ASMTL: variants seen among roughly 807,000 people sequenced by gnomAD.
The protein encoded by ASMTL is probable bifunctional dTTP/UTP pyrophosphatase/methyltransferase protein.
In ASMTL, 57 loss-of-function variants were observed where a neutral mutation model predicts 60.3. The ratio of observed to expected loss-of-function variants is 0.95; its 90% confidence interval spans 0.76 to 1.18. The LOEUF (loss-of-function observed/expected upper bound fraction) is 1.18, where lower values mean the gene tolerates loss of function less well. ASMTL is among the 50% of genes most tolerant of loss of function. The pLI, the probability that ASMTL is intolerant of heterozygous loss-of-function variation, is 0.00. For synonymous variants in ASMTL, 419 were observed against 373.0 expected (o/e 1.12, Z -1.42); for missense variants, 981 against 852.6 (o/e 1.15, Z -1.88).
At chrX:1,449,943 A>G (rs1400720811) in intron 1 of ASMTL, among the ~76,000 whole-genome samples, 1 of 148,060 alleles carries the variant, frequency 6.8e-6, no homozygotes, top group Admixed American at 6.8e-5. Context: ...CCCCACCACC[A>G]GTAAATATGC....
intron 1 of ASMTL, among the ~76,000 whole-genome samples, chrX:1,449,103 G>A (rs766792153): frequency 1.4e-4 from 22 of 152,178 alleles, no homozygotes; most frequent in African/African-American, 4.8e-4. Flanking sequence ...AACATTCCGA[G>A]CCTGCGATAA....
chrX:1,419,313 G>T, intron 9 of ASMTL, 199 bp from the exon 10 acceptor site: 1 of 175,064 alleles, frequency 5.7e-6, no homozygotes, highest in Non-Finnish European at 1.1e-5. Flanking sequence ...TGGGGACAGA[G>T]GACCCCAAAG....
At chrX:1,418,176 C>G in intron 10 of ASMTL, 60 bp from the exon 11 acceptor site, 3 of 1,516,824 alleles carry the variant, frequency 2.0e-6, no homozygotes, top group South Asian at 1.3e-5. Context: ...TGACGACTCT[C>G]CAAAGCTCAA....
chrX:1,438,513 T>C (rs2149337103), intron 3 of ASMTL, among the ~76,000 whole-genome samples: 1 of 152,044 alleles, frequency 6.6e-6, no homozygotes, highest in South Asian at 2.1e-4. Flanking sequence ...TAGAACTGCG[T>C]ACCTTCCTGT....
chrX:1,442,415 C>T, intron 1 of ASMTL, 98 bp from the exon 2 acceptor site: 1 of 1,382,030 alleles, frequency 7.2e-7, no homozygotes, highest in Non-Finnish European at 1.0e-6. Context: ...GCGTTTGCTA[C>T]ACTCCCCGAC....
intron 9 of ASMTL, among the ~76,000 whole-genome samples, chrX:1,420,281 TTC>T (rs1386359964): frequency 2.6e-5 from 4 of 151,020 alleles, no homozygotes; most frequent in East Asian, 2.0e-4. Context: ...GTCTCTGTCT[TTC>T]TGTCTCCCTG....
rs1436095816 is a variant in ASMTL at position 1,412,738 on chromosome X, T to G, written c.1639A>C (p.Lys547Gln). 24 of 1,613,876 alleles carry G rather than the reference T, an allele frequency of 1.5e-5. No homozygotes were observed. Among genetic ancestry groups the G allele is most frequent in the Non-Finnish European group, 2.0e-5 (24 of 1,179,880 alleles). Residue 547 changes from lysine (K) to glutamine (Q), a missense_variant, in exon 12 of 13, where the codon AAG (lysine) becomes CAG (glutamine). Lys to Gln is a moderately conservative substitution (Grantham distance 53). Coordinates refer to ENST00000381317, the MANE Select transcript of ASMTL (RefSeq NM_004192.4). ...CCTGACGATGGGCTCTCACCTGGCT[T>G]GCAGCTCTCGGCGACCCTGCTGAGT... is the stretch of plus-strand genomic sequence containing the variant. Reference protein sequence around the residue: ...KLLSRVAESCKPGAGLLLVET... With the variant: ...KLLSRVAESCQPGAGLLLVET...
At chrX:1,414,347 G>C (rs1351976676) in intron 11 of ASMTL, among the ~76,000 whole-genome samples, 1 of 152,172 alleles carries the variant, frequency 6.6e-6, no homozygotes, top group Non-Finnish European at 1.5e-5. Context: ...GCGGGAGAGT[G>C]TGCGGTGGGA....
chrX:1,408,123 CG>C lies in ASMTL; in HGVS notation c.1645+4608del, dbSNP rs2089936109. Among the ~76,000 whole-genome samples, 215 of 95,770 alleles carry C rather than the reference CG, an allele frequency of 2.2e-3. 3 individuals carry two copies. The highest frequency in any genetic ancestry group is 5.9e-3 in the Middle Eastern group (1 of 170). The allele number at this position is 95,770 out of a possible 152,430, so 62.8% of individuals were successfully genotyped here. ...GGCTGAGGCAGGAGGATCGCTTGAGCGCAGGAGGTCAAGGCTGCAGTGAACT... is the reference window on the plus strand; with the variant it reads ...GGCTGAGGCAGGAGGATCGCTTGAGCCAGGAGGTCAAGGCTGCAGTGAACT... On this transcript the variant is annotated intron_variant, in intron 12 of 12. Coordinates refer to ENST00000381317, the MANE Select transcript of ASMTL (RefSeq NM_004192.4).
intron 11 of ASMTL, among the ~76,000 whole-genome samples, chrX:1,417,734 A>ATG (rs2090345474): frequency 6.9e-6 from 1 of 145,356 alleles, no homozygotes; most frequent in African/African-American, 2.5e-5. Context: ...ACACACACAC[A>ATG]CAGACATGCT....
At chrX:1,438,778 C>T (rs1180079229) in intron 3 of ASMTL, among the ~76,000 whole-genome samples, 2 of 152,140 alleles carry the variant, frequency 1.3e-5, no homozygotes, top group East Asian at 1.9e-4. Context: ...ATCAATTAGC[C>T]ACCACGTCTG....
intron 6 of ASMTL, chrX:1,431,917 G>C (rs779100687): frequency 1.8e-5 from 5 of 282,684 alleles, no homozygotes; most frequent in Middle Eastern, 1.1e-3. Context: ...TTGGATCACA[G>C]AGTTTATTCG....
chrX:1,427,908 C>G lies in ASMTL; in HGVS notation c.723G>C (p.Val241=), dbSNP rs199774890. 128 of 1,613,264 alleles carry G rather than the reference C, an allele frequency of 7.9e-5. No homozygotes were observed. The highest frequency in any genetic ancestry group is 9.7e-5 in the Non-Finnish European group (115 of 1,179,842). Residue 241 remains valine (V), a synonymous_variant, in exon 7 of 13, where the codon GTG becomes GTC. Coordinates refer to ENST00000381317, the MANE Select transcript of ASMTL (RefSeq NM_004192.4). ...AADTFEDLSD[V]EGGGSEPTQR... ...GAGTGGGCTCCGAGCCGCCCCCCTC[C>G]ACGTCACTGAGGTCTTCGAAGGTGT...
At chrX:1,414,790 C>T (rs866117271) in intron 11 of ASMTL, among the ~76,000 whole-genome samples, 3 of 152,216 alleles carry the variant, frequency 2.0e-5, no homozygotes, top group South Asian at 2.1e-4. Flanking sequence ...GCAGGAGGAG[C>T]TGTAGGGTGG....
chrX:1,435,326 G>C, intron 4 of ASMTL: 1 of 620,284 alleles, frequency 1.6e-6, no homozygotes, highest in Non-Finnish European at 2.9e-6. Flanking sequence ...GCAGCTCTCA[G>C]CTGGGCCTAT....
intron 11 of ASMTL, among the ~76,000 whole-genome samples, chrX:1,415,748 G>A (rs1343625386): frequency 6.6e-6 from 1 of 152,228 alleles, no homozygotes; most frequent in Non-Finnish European, 1.5e-5. Flanking sequence ...TTACAGGCGT[G>A]AGCTACTGTG....
At chrX:1,447,281 CT>C (rs2091247251) in intron 1 of ASMTL, among the ~76,000 whole-genome samples, 1 of 152,254 alleles carries the variant, frequency 6.6e-6, no homozygotes, top group Non-Finnish European at 1.5e-5. Flanking sequence ...TCGACACACA[CT>C]GCCATCTTGG....
intron 6 of ASMTL, among the ~76,000 whole-genome samples, chrX:1,429,390 G>C (rs1347693053): frequency 6.6e-6 from 1 of 151,916 alleles, no homozygotes; most frequent in African/African-American, 2.4e-5. Context: ...TAAAGATGGG[G>C]TTTCACTCTG....
chrX:1,437,220 C>G (rs1240046309), intron 3 of ASMTL, among the ~76,000 whole-genome samples: 3 of 152,108 alleles, frequency 2.0e-5, no homozygotes, highest in African/African-American at 4.8e-5. Flanking sequence ...CCTGAGGCCT[C>G]TCTCCTAGGC....
Sources: gnomAD v4.1 joint callset for allele counts (sites outside exome capture counted in the v4.1 genomes callset) on GRCh38, gnomAD v4.1.1 for gene constraint, MANE v1.5 for transcripts, NCBI Gene and HGNC (gene_info 2026-07-23, HGNC 2026-07-21) for gene names.